Variants in CDH8 observed in about 807,000 individuals in gnomAD.
CDH8 encodes cadherin-8.
CDH8 carries 17 observed loss-of-function variants against 68.1 expected under a neutral mutation model. The observed-to-expected ratio is 0.25, with a 90% CI of 0.17 to 0.37. The LOEUF is 0.37. Ranked by LOEUF, CDH8 falls within the 10% of genes least tolerant of loss-of-function variation. The pLI, the probability that CDH8 is intolerant of heterozygous loss-of-function variation, is 1.00. For missense variants in CDH8, 763 were observed against 999.3 expected, an observed-to-expected ratio of 0.76 and a Z score of 3.19; for synonymous variants, 372 against 365.1, an observed-to-expected ratio of 1.02 and a Z score of -0.21.
intron 2 of CDH8, among the ~76,000 whole-genome samples, chr16:62,009,031 C>CAA (rs11305570): frequency 7.1e-6 from 1 of 140,964 alleles, no homozygotes; most frequent in Non-Finnish European, 1.5e-5. Context: ...TATACACACA[C>CAA]AAAAAAAAAA....
At chr16:61,888,095 T>C (rs1963709136) in intron 3 of CDH8, among the ~76,000 whole-genome samples, 1 of 152,164 alleles carries the variant, frequency 6.6e-6, no homozygotes, top group African/African-American at 2.4e-5. Context: ...GGCTCTTGCA[T>C]GATTCAGCAG....
intron 8 of CDH8, among the ~76,000 whole-genome samples, chr16:61,760,602 C>T (rs1032078198): frequency 2.0e-5 from 3 of 151,972 alleles, no homozygotes; most frequent in Admixed American, 6.6e-5. Flanking sequence ...CATGAGCCAC[C>T]GCATCTGGCA....
intron 2 of CDH8, among the ~76,000 whole-genome samples, chr16:61,982,519 A>G (rs1235650997): frequency 1.3e-5 from 2 of 152,176 alleles, no homozygotes; most frequent in African/African-American, 4.8e-5. Context: ...GCGCCCGGCT[A>G]GGCAAGTTAT....
intron 8 of CDH8, among the ~76,000 whole-genome samples, chr16:61,735,855 G>A (rs1184031812): frequency 2.6e-5 from 4 of 151,968 alleles, no homozygotes; most frequent in South Asian, 2.1e-4. Flanking sequence ...CGGGGAGATC[G>A]CTAGGTCAAG....
chr16:61,681,090 G>T (rs779009649), intron 10 of CDH8, among the ~76,000 whole-genome samples: 1 of 151,854 alleles, frequency 6.6e-6, no homozygotes, highest in Admixed American at 6.6e-5. Flanking sequence ...TGTACAATGG[G>T]GTAGTCACTT....
intron 2 of CDH8, among the ~76,000 whole-genome samples, chr16:61,975,463 T>C (rs1259827071): frequency 2.6e-5 from 4 of 152,170 alleles, no homozygotes; most frequent in Non-Finnish European, 5.9e-5. Context: ...ATTTAGGAGG[T>C]CTAGTGTATG....
intron 10 of CDH8, among the ~76,000 whole-genome samples, chr16:61,705,727 C>T (rs1379728308): frequency 4.0e-5 from 6 of 151,562 alleles, no homozygotes; most frequent in South Asian, 2.1e-4. Context: ...AGGCCAGGTT[C>T]ACAAAATTGG....
At chr16:61,916,920 C>T (rs139914620) in intron 2 of CDH8, among the ~76,000 whole-genome samples, 1 of 152,104 alleles carries the variant, frequency 6.6e-6, no homozygotes, top group Non-Finnish European at 1.5e-5. Flanking sequence ...TTCACTTTGT[C>T]ATATTATGAA....
intron 2 of CDH8, among the ~76,000 whole-genome samples, chr16:61,979,093 C>A (rs893354532): frequency 1.3e-5 from 2 of 151,328 alleles, no homozygotes; most frequent in Non-Finnish European, 2.9e-5. Context: ...AGAATCTCAG[C>A]CCAAAGCCAG....
intron 2 of CDH8, among the ~76,000 whole-genome samples, chr16:61,971,585 C>T (rs994312534): frequency 6.6e-6 from 1 of 152,180 alleles, no homozygotes; most frequent in Non-Finnish European, 1.5e-5. Context: ...GGAAGCTCTC[C>T]AAATTCAGTT....
intron 10 of CDH8, among the ~76,000 whole-genome samples, chr16:61,655,922 G>C (rs946472825): frequency 4.0e-5 from 6 of 149,410 alleles, no homozygotes; most frequent in Non-Finnish European, 8.9e-5. Context: ...ACCCAGGCTG[G>C]AGTGCAGTGG....
In CDH8 at chr16:61,688,749, C is replaced by T. The variant is rs74023222; in HGVS notation, c.1654+25092G>A. ...AGGTAGATGGACAAGGGAAACACAC[C>T]CTATTTATAAAGTGATTTCCCTCTT... On this transcript the variant is annotated intron_variant, in intron 10 of 11. Coordinates refer to ENST00000577390, the MANE Select transcript of CDH8 (RefSeq NM_001796.5). 2.6e-5 allele frequency among the ~76,000 whole-genome samples: 4 copies of T among 151,850 alleles called. No homozygotes were observed. In the East Asian group the frequency reaches 5.8e-4, roughly 22 times the overall value.
intron 2 of CDH8, among the ~76,000 whole-genome samples, chr16:62,009,110 G>T (rs1375473259): frequency 6.6e-6 from 1 of 151,940 alleles, no homozygotes; most frequent in African/African-American, 2.4e-5. Context: ...AGTGGCTAGG[G>T]AGTCTGACTT....
intron 4 of CDH8, among the ~76,000 whole-genome samples, chr16:61,846,001 A>C (rs1289936723): frequency 1.3e-5 from 2 of 152,082 alleles, no homozygotes; most frequent in Admixed American, 1.3e-4. Context: ...ACTCAAAATT[A>C]CTTTTAAATT....
At chr16:61,662,094 T>C (rs996898643) in intron 10 of CDH8, among the ~76,000 whole-genome samples, 24 of 150,106 alleles carry the variant, frequency 1.6e-4, no homozygotes, top group African/African-American at 5.6e-4. Flanking sequence ...TTAGTTTTTT[T>C]TTTTTTTTTT....
chr16:61,975,576 G>A (rs1427213951), intron 2 of CDH8, among the ~76,000 whole-genome samples: 1 of 152,082 alleles, frequency 6.6e-6, no homozygotes, highest in African/African-American at 2.4e-5. Context: ...TAAATAGCAG[G>A]AATACAATAG....
chr16:61,855,034 G>T (rs1400658494), intron 4 of CDH8, among the ~76,000 whole-genome samples: 1 of 151,866 alleles, frequency 6.6e-6, no homozygotes, highest in African/African-American at 2.4e-5. Flanking sequence ...TATTTAAATT[G>T]TGTCCACCTT....
At chr16:61,810,573 C>G (rs1039371448) in intron 7 of CDH8, among the ~76,000 whole-genome samples, 1 of 152,136 alleles carries the variant, frequency 6.6e-6, no homozygotes, top group African/African-American at 2.4e-5. Context: ...CTACAAGGTT[C>G]TCTACAGGGT....
intron 3 of CDH8, among the ~76,000 whole-genome samples, chr16:61,898,311 A>T (rs1257095166): frequency 2.0e-5 from 3 of 151,902 alleles, no homozygotes; most frequent in Non-Finnish European, 4.4e-5. Context: ...AAAAAAAAAG[A>T]AGTAGTAATT....
Sources: allele counts gnomAD v4.1 joint callset (sites outside exome capture counted in the v4.1 genomes callset), GRCh38; gene constraint gnomAD v4.1.1; transcripts MANE v1.5; gene names NCBI Gene and HGNC (gene_info 2026-07-23, HGNC 2026-07-21).